The following ZXDC variants were observed in gnomAD, a reference collection of about 807,000 sequenced individuals.
ZXDC encodes the protein zinc finger protein ZXDC.
In ZXDC, 58 loss-of-function variants were observed where a neutral mutation model predicts 63.6. The observed-to-expected ratio is 0.91, with a 90% CI of 0.74 to 1.13. ZXDC has a LOEUF of 1.13. Ranked by LOEUF, ZXDC falls within the 50% of genes most tolerant of loss-of-function variation. ZXDC has a pLI of 0.00. For synonymous variants in ZXDC, 561 were observed against 496.1 expected (o/e 1.13, Z -1.74); for missense variants, 1,133 against 1,148.9 (o/e 0.99, Z 0.20).
intron 7 of ZXDC, chr3:126,451,916 T>G (rs951068054): frequency 1.7e-5 from 17 of 985,330 alleles, no homozygotes; most frequent in Non-Finnish European, 2.0e-5. Context: ...ACAGAGTTAC[T>G]GCATGTGAAG....
At chr3:126,441,669 C>A (rs1381027577) in intron 8 of ZXDC, 96 bp downstream of exon 8, 2 of 1,441,708 alleles carry the variant, frequency 1.4e-6, no homozygotes, top group South Asian at 1.6e-5. Context: ...GGGGGTGCTG[C>A]GATGGGCAGG....
intron 4 of ZXDC, among the ~76,000 whole-genome samples, chr3:126,467,787 C>G (rs535813587): frequency 2.0e-5 from 3 of 152,132 alleles, no homozygotes; most frequent in Non-Finnish European, 4.4e-5. Flanking sequence ...CCTTTCCCAG[C>G]TGGGGGTCCT....
intron 7 of ZXDC, among the ~76,000 whole-genome samples, chr3:126,456,713 G>GTAATTC (rs1192961909): frequency 6.6e-6 from 1 of 152,190 alleles, no homozygotes; most frequent in East Asian, 1.9e-4. Flanking sequence ...CCTAAGGGTG[G>GTAATTC]TCTTGAGGAC....
intron 3 of ZXDC, 88 bp from the exon 4 acceptor site, chr3:126,471,113 A>C: frequency 6.7e-7 from 1 of 1,499,774 alleles, no homozygotes; most frequent in Non-Finnish European, 9.0e-7. Context: ...CAAAACACAA[A>C]CTTTGCATTT....
At chr3:126,442,026 G>A in intron 7 of ZXDC, 80 bp from the exon 8 acceptor site, 1 of 1,401,406 alleles carries the variant, frequency 7.1e-7, no homozygotes, top group South Asian at 1.7e-5. Context: ...CTCACTATGG[G>A]GAAGACAGCC....
rs775918820 is a variant in ZXDC at position 126,462,097 on chromosome 3, G to A, written c.1565C>T (p.Ala522Val). The A allele has an allele frequency of 9.9e-6, 16 of 1,613,998 alleles. No individual in the cohort carries two copies. Among genetic ancestry groups the A allele is most frequent in the African/African-American group, 1.3e-5 (1 of 74,920 alleles). Reference sequence around the variant, plus strand: ...ATCCGACCCACCTGCAGAACCACTAGCATTGGCAGGTGTGTCAGAGAAGAG... The same window carrying A: ...ATCCGACCCACCTGCAGAACCACTAACATTGGCAGGTGTGTCAGAGAAGAG... ...AALFSDTPANASGSAGGSDEA... is the reference protein window; with the variant it reads ...AALFSDTPANVSGSAGGSDEA... The change falls in exon 6 of 10, where the codon GCT (alanine) becomes GTT (valine). Residue 522 changes from alanine (A) to valine (V), a missense_variant. Transcript: ENST00000389709.
At chr3:126,439,470 A>G (rs981282093) in intron 9 of ZXDC, among the ~76,000 whole-genome samples, 162 bp downstream of exon 9, 1 of 152,090 alleles carries the variant, frequency 6.6e-6, no homozygotes, top group Non-Finnish European at 1.5e-5. Context: ...CCACTCACCC[A>G]CCTTCTCCAG....
intron 7 of ZXDC, chr3:126,455,037 T>C: frequency 1.0e-6 from 1 of 985,450 alleles, no homozygotes; most frequent in Non-Finnish European, 1.2e-6. Context: ...CTTGACTGTT[T>C]CTAAATGACC....
intron 7 of ZXDC, chr3:126,459,258 C>A: frequency 1.0e-6 from 1 of 985,408 alleles, no homozygotes; most frequent in Non-Finnish European, 1.2e-6. Flanking sequence ...TCCATGTACA[C>A]GTACCTGGGG....
intron 7 of ZXDC, among the ~76,000 whole-genome samples, chr3:126,456,289 T>C (rs1416830672): frequency 1.3e-5 from 2 of 152,266 alleles, no homozygotes; most frequent in African/African-American, 4.8e-5. Flanking sequence ...TGGAAAGTCC[T>C]GCCTGGTAAG....
At position 126,446,886 on chromosome 3, in the gene ZXDC, T is replaced by G. The variant is rs541906797; in HGVS notation, c.2213-4940A>C. ...GTGTAGGTTTCATTCAGTTTAACAC[T>G]GAAACACTGTAAGTAGTTTTTCTTG... On this transcript the variant is annotated intron_variant, in intron 7 of 9. Transcript: ENST00000389709. 5.6e-4 allele frequency among the ~76,000 whole-genome samples: 86 copies of G among 152,366 alleles called. 1 individual carries two copies. Among genetic ancestry groups the G allele is most frequent in the African/African-American group, 1.7e-3 (70 of 41,596 alleles).
intron 1 of ZXDC, among the ~76,000 whole-genome samples, chr3:126,472,937 A>G (rs1226911842): frequency 6.6e-6 from 1 of 152,228 alleles, no homozygotes; most frequent in East Asian, 1.9e-4. Context: ...CTCCTCCGAC[A>G]GAAACATTCA....
At chr3:126,459,234 A>G in intron 7 of ZXDC, 7 of 985,392 alleles carry the variant, frequency 7.1e-6, no homozygotes, top group Non-Finnish European at 7.2e-6. Context: ...ATGCCACAGG[A>G]CACACAGTTT....
At chr3:126,449,570 G>A (rs890505847) in intron 7 of ZXDC, among the ~76,000 whole-genome samples, 1 of 152,254 alleles carries the variant, frequency 6.6e-6, no homozygotes, top group Non-Finnish European at 1.5e-5. Context: ...TGCTTTGAAT[G>A]TCTCAGCAGG....
Position 126,466,172 on chromosome 3 carries a change from T to C in ZXDC, c.1424A>G (p.Gln475Arg), listed in dbSNP as rs1157759584. 17 of 1,613,636 alleles carry C rather than the reference T, an allele frequency of 1.1e-5. No homozygotes were observed. The highest frequency in any genetic ancestry group is 1.3e-5 in the Non-Finnish European group (15 of 1,179,814). ...KHSMKAHMVR[Q>R]HSRRQDLLPQ... ...GTGCAGACCTTGGCGCCGGCTGTGC[T>C]GTCTGACCATGTGCGCCTTCATGCT... Residue 475 changes from glutamine (Q) to arginine (R), a missense_variant, in exon 5 of 10, where the codon CAG becomes CGG. By Grantham distance (43) the Gln-to-Arg change is conservative. Transcript: ENST00000389709.
intron 7 of ZXDC, chr3:126,452,276 TTCTTACACAA>T: frequency 1.0e-6 from 1 of 985,468 alleles, no homozygotes; most frequent in East Asian, 1.1e-4. Flanking sequence ...TGTCCATAGC[TTCTTACACAA>T]TTGTCCTGGA....
At chr3:126,443,134 C>T (rs1038806036) in intron 7 of ZXDC, 7 of 152,196 alleles carry the variant, frequency 4.6e-5, no homozygotes, top group Non-Finnish European at 1.0e-4. Context: ...GGCTCTTTTT[C>T]TTTGAAGTGC....
At chr3:126,472,113 A>C (rs1935001648) in intron 2 of ZXDC, 40 bp downstream of exon 2, 3 of 1,608,974 alleles carry the variant, frequency 1.9e-6, no homozygotes, top group East Asian at 4.5e-5. Context: ...GATGAAGACA[A>C]ATCTTGGGTC....
At chr3:126,453,545 T>C (rs987362674) in intron 7 of ZXDC, 4 of 985,474 alleles carry the variant, frequency 4.1e-6, no homozygotes, top group Non-Finnish European at 2.4e-6. Flanking sequence ...GACCCTCACA[T>C]GTAATCCACA....
Sources: gnomAD v4.1 joint callset for allele counts (sites outside exome capture counted in the v4.1 genomes callset) on GRCh38, gnomAD v4.1.1 for gene constraint, MANE v1.5 for transcripts, NCBI Gene and HGNC (gene_info 2026-07-23, HGNC 2026-07-21) for gene names.